The following HERC1 variants were observed in gnomAD, a reference collection of about 807,000 sequenced individuals.
HERC1 encodes the protein probable E3 ubiquitin-protein ligase HERC1.
A neutral mutation model predicts 554.3 loss-of-function variants in HERC1; 160 were observed. The observed-to-expected ratio is 0.29, with a 90% confidence interval of 0.25 to 0.33. The LOEUF (loss-of-function observed/expected upper bound fraction) is 0.33, where lower values mean the gene tolerates loss of function less well. HERC1 is among the 10% of genes least tolerant of loss of function. HERC1 has a pLI of 1.00. For missense variants in HERC1, 4,919 were observed against 5,918.5 expected (o/e 0.83, Z 5.54); for synonymous variants, 2,175 against 2,131.7 (o/e 1.02, Z -0.56).
intron 12 of HERC1, among the ~76,000 whole-genome samples, chr15:63,736,226 T>C (rs1231088936): frequency 2.6e-5 from 4 of 152,220 alleles, no homozygotes; most frequent in African/African-American, 9.7e-5. Context: ...CATATACTTC[T>C]GCAAGAGGGC....
chr15:63,798,788 A>G (rs1383081794), intron 1 of HERC1, among the ~76,000 whole-genome samples: 1 of 152,186 alleles, frequency 6.6e-6, no homozygotes, highest in Non-Finnish European at 1.5e-5. Context: ...TAGTTTCTAC[A>G]TTTAAATATT....
At chr15:63,800,720 A>T (rs1180920122) in intron 1 of HERC1, among the ~76,000 whole-genome samples, 1 of 152,208 alleles carries the variant, frequency 6.6e-6, no homozygotes, top group African/African-American at 2.4e-5. Flanking sequence ...TTGTGGCATA[A>T]GAAATACATA....
At chr15:63,751,587 G>A (rs1368001018) in intron 8 of HERC1, among the ~76,000 whole-genome samples, 4 of 152,144 alleles carry the variant, frequency 2.6e-5, no homozygotes, top group Non-Finnish European at 5.9e-5. Flanking sequence ...TATATAGTAT[G>A]GTGGGAAGTC....
chr15:63,669,264 C>T (rs2070784621), intron 40 of HERC1, among the ~76,000 whole-genome samples: 1 of 152,102 alleles, frequency 6.6e-6, no homozygotes, highest in Admixed American at 6.5e-5. Flanking sequence ...TAAAGCAGTA[C>T]TTAAAGGGAA....
intron 7 of HERC1, among the ~76,000 whole-genome samples, chr15:63,753,465 T>C (rs2075316537): frequency 6.6e-6 from 1 of 152,174 alleles, no homozygotes; most frequent in Non-Finnish European, 1.5e-5. Flanking sequence ...AGAATGTATA[T>C]GCATATAATT....
rs762640357 is a variant in HERC1, at chr15:63,678,047, C to G, written c.6868G>C (p.Asp2290His). ...GTCCTCAGCTGCAGCTCTGAGAGGT[C>G]AGCGAGGCCATGCCTAGTATGTTTA... ...KGKHTRHGLA[D>H]LSELQLRTLC... Residue 2290 changes from aspartate (D) to histidine (H), a missense_variant, in exon 37 of 78, where the codon GAC (aspartate) becomes CAC (histidine). Physicochemically the swap from Asp to His is moderately conservative, Grantham distance 81. Around this residue, in one of 11 missense-constraint regions of HERC1, gnomAD observed 1,963 missense variants for 2,228.6 expected, o/e 0.88. Transcript: ENST00000443617. 3.1e-6 allele frequency: 5 copies of G among 1,614,032 alleles called. No homozygotes were observed. Among genetic ancestry groups the G allele is most frequent in the Non-Finnish European group, 3.4e-6 (4 of 1,179,896 alleles).
At chr15:63,783,067 A>C (rs990521344) in intron 1 of HERC1, among the ~76,000 whole-genome samples, 2 of 152,252 alleles carry the variant, frequency 1.3e-5, no homozygotes, top group African/African-American at 2.4e-5. Flanking sequence ...AATATTACTG[A>C]AATGACAACA....
intron 2 of HERC1, among the ~76,000 whole-genome samples, chr15:63,767,737 A>T (rs1567105687): frequency 1.3e-5 from 2 of 152,060 alleles, no homozygotes; most frequent in Non-Finnish European, 2.9e-5. Flanking sequence ...GCTACCCTCA[A>T]ATCAATGAAA....
intron 19 of HERC1, among the ~76,000 whole-genome samples, chr15:63,719,793 T>C (rs1456810121): frequency 6.6e-6 from 1 of 152,192 alleles, no homozygotes; most frequent in East Asian, 1.9e-4. Context: ...TGATTCTAAA[T>C]GTATTTAAAA....
chr15:63,828,977 C>A (rs2078034327), intron 1 of HERC1, among the ~76,000 whole-genome samples: 1 of 152,118 alleles, frequency 6.6e-6, no homozygotes. Context: ...CATGTGTATT[C>A]TAGAAGTCAA....
intron 12 of HERC1, among the ~76,000 whole-genome samples, 196 bp from the exon 13 acceptor site, chr15:63,735,045 T>C (rs2074440407): frequency 6.6e-6 from 1 of 152,182 alleles, no homozygotes; most frequent in Non-Finnish European, 1.5e-5. Flanking sequence ...TGCCACTAAA[T>C]AGCTAATCAT....
At chr15:63,814,183 T>G (rs756108105) in intron 1 of HERC1, among the ~76,000 whole-genome samples, 1 of 152,244 alleles carries the variant, frequency 6.6e-6, no homozygotes, top group Non-Finnish European at 1.5e-5. Context: ...TCTGGACAAC[T>G]ATACATCATA....
intron 74 of HERC1, among the ~76,000 whole-genome samples, chr15:63,620,263 T>C (rs1375225973): frequency 1.3e-5 from 2 of 152,206 alleles, no homozygotes; most frequent in Admixed American, 6.5e-5. Context: ...CCAGTAGTCA[T>C]TCAGGAGCAG....
intron 1 of HERC1, among the ~76,000 whole-genome samples, chr15:63,799,224 G>A (rs1469101064): frequency 1.3e-5 from 2 of 152,182 alleles, no homozygotes; most frequent in Non-Finnish European, 2.9e-5. Context: ...CTATTGGCCA[G>A]GCACAGTGGC....
rs759663822 is a variant in HERC1, at chr15:63,669,668, A to G, written c.8076T>C (p.Thr2692=). ...RQMFSSYPTT[T]VLPTRRAQTP... ...TCTGTGCCCGACGTGTGGGAAGTAC[A>G]GTGGTAGTTGGGTAACTAGAGAACA... is the stretch of plus-strand genomic sequence containing the variant. Residue 2692 remains threonine (T), a synonymous_variant, in exon 40 of 78, where the codon ACT becomes ACC. Transcript: ENST00000443617. The G allele has an allele frequency of 1.2e-6, 2 of 1,613,956 alleles. No individual in the cohort carries two copies. Among genetic ancestry groups the G allele is most frequent in the South Asian group, 1.1e-5 (1 of 91,086 alleles).
intron 69 of HERC1, 51 bp downstream of exon 69, chr15:63,630,415 A>G: frequency 6.4e-7 from 1 of 1,554,318 alleles, no homozygotes; most frequent in East Asian, 2.2e-5. Flanking sequence ...ACTGAGGAAC[A>G]CTGTGAGATT....
rs147096832 is a variant in HERC1, at chr15:63,797,378, A to G, written c.-26-21729T>C. Among the ~76,000 whole-genome samples, 214 of 152,328 alleles carry G rather than the reference A, an allele frequency of 1.4e-3. 1 individual carries two copies. Among genetic ancestry groups the G allele is most frequent in the African/African-American group, 4.8e-3 (200 of 41,564 alleles). On this transcript the variant is annotated intron_variant, in intron 1 of 77. Coordinates refer to ENST00000443617, the MANE Select transcript of HERC1 (RefSeq NM_003922.4). ...ATTTGTCACTTCCTCAATTACTCTT[A>G]TAGAGAAAATCATTATAATAGAATC... is the stretch of plus-strand genomic sequence containing the variant.
At chr15:63,618,154 C>A (rs2067906606) in intron 74 of HERC1, among the ~76,000 whole-genome samples, 1 of 151,616 alleles carries the variant, frequency 6.6e-6, no homozygotes, top group Non-Finnish European at 1.5e-5. Flanking sequence ...ACATTTAAGT[C>A]TTTAATCCAT....
At chr15:63,655,510 C>A (rs1487610437) in intron 50 of HERC1, among the ~76,000 whole-genome samples, 1 of 100,918 alleles carries the variant, frequency 9.9e-6, no homozygotes, top group African/African-American at 4.0e-5. Flanking sequence ...AAGAAACCTA[C>A]CAGGATTATT....
Sources: gnomAD v4.1 joint callset for allele counts (sites outside exome capture counted in the v4.1 genomes callset) on GRCh38, gnomAD v4.1.1 for gene constraint, gnomAD v4.1.1 regional missense constraint, MANE v1.5 for transcripts, NCBI Gene and HGNC (gene_info 2026-07-23, HGNC 2026-07-21) for gene names.